PDE4B: variants seen among roughly 807,000 people sequenced by gnomAD.
PDE4B encodes 3',5'-cyclic-AMP phosphodiesterase 4B.
PDE4B carries 20 observed loss-of-function variants against 82.2 expected under a neutral mutation model. That is an observed-to-expected ratio of 0.24 (90% confidence interval 0.17 to 0.35). The LOEUF is 0.35. PDE4B is among the 10% of genes least tolerant of loss of function. The pLI, the probability that PDE4B is intolerant of heterozygous loss-of-function variation, is 1.00. For synonymous variants in PDE4B, 320 were observed against 318.9 expected (o/e 1.00, Z -0.04); for missense variants, 655 against 907.2 (o/e 0.72, Z 3.57).
chr1:66,294,234 T>C (rs1238497581), intron 7 of PDE4B, among the ~76,000 whole-genome samples: 1 of 152,054 alleles, frequency 6.6e-6, no homozygotes, highest in African/African-American at 2.4e-5. Context: ...AAATCTGTGA[T>C]TTTATTTGGG....
intron 16 of PDE4B, among the ~76,000 whole-genome samples, chr1:66,371,406 C>T (rs575063966): frequency 6.6e-6 from 1 of 151,886 alleles, no homozygotes; most frequent in African/African-American, 2.4e-5. Context: ...TTGTCCCCAC[C>T]CCCAGTGTTT....
chr1:66,355,702 T>C, intron 9 of PDE4B, 82 bp downstream of exon 9: 1 of 740,244 alleles, frequency 1.4e-6, no homozygotes, highest in Non-Finnish European at 2.3e-6. Context: ...GACATCCTCA[T>C]GTGAATTTGG....
At chr1:66,013,164 C>G (rs944621270) in intron 3 of PDE4B, among the ~76,000 whole-genome samples, 1 of 152,052 alleles carries the variant, frequency 6.6e-6, no homozygotes, top group Non-Finnish European at 1.5e-5. Context: ...GTGTAACTCT[C>G]CCCAACACCA....
intron 1 of PDE4B, among the ~76,000 whole-genome samples, chr1:65,847,543 C>T (rs917402736): frequency 1.3e-5 from 2 of 152,148 alleles, no homozygotes; most frequent in South Asian, 4.1e-4. Flanking sequence ...GCTGAAAGTC[C>T]CTGAATCCCT....
chr1:66,277,014 CATT>C (rs1655925999), intron 7 of PDE4B, among the ~76,000 whole-genome samples: 4 of 152,290 alleles, frequency 2.6e-5, no homozygotes, highest in Middle Eastern at 6.8e-3. Flanking sequence ...TCATTATCAT[CATT>C]ATCATTAGTC....
intron 4 of PDE4B, among the ~76,000 whole-genome samples, chr1:66,251,668 C>T (rs916085344): frequency 6.6e-6 from 1 of 152,138 alleles, no homozygotes; most frequent in Non-Finnish European, 1.5e-5. Context: ...GAGGAGGTTA[C>T]AGCTCAGCTA....
chr1:65,826,296 A>G (rs983410995), intron 1 of PDE4B, among the ~76,000 whole-genome samples: 1 of 152,210 alleles, frequency 6.6e-6, no homozygotes, highest in Non-Finnish European at 1.5e-5. Flanking sequence ...TTTAATAAAT[A>G]TGGGACTTTT....
intron 7 of PDE4B, among the ~76,000 whole-genome samples, chr1:66,273,690 A>G (rs926344167): frequency 3.9e-5 from 6 of 152,226 alleles, no homozygotes; most frequent in East Asian, 1.9e-4. Flanking sequence ...CTCTTTTTCT[A>G]TATCCTCAAT....
intron 1 of PDE4B, among the ~76,000 whole-genome samples, chr1:65,804,090 T>A (rs965719753): frequency 6.6e-6 from 1 of 152,220 alleles, no homozygotes; most frequent in African/African-American, 2.4e-5. Context: ...CTCTTTAGGC[T>A]TTTTAGGCAT....
At chr1:65,861,441 G>A (rs777603358) in intron 1 of PDE4B, among the ~76,000 whole-genome samples, 1 of 152,114 alleles carries the variant, frequency 6.6e-6, no homozygotes, top group Non-Finnish European at 1.5e-5. Context: ...TGCTGTTTTG[G>A]TTACTGTAGC....
chr1:65,807,215 G>A (rs1313670068), intron 1 of PDE4B, among the ~76,000 whole-genome samples: 3 of 152,140 alleles, frequency 2.0e-5, no homozygotes, highest in Non-Finnish European at 4.4e-5. Flanking sequence ...ATCATGTCTA[G>A]AAGCAGTGGG....
chr1:65,869,544 T>C (rs1177801560), intron 1 of PDE4B, among the ~76,000 whole-genome samples: 1 of 152,200 alleles, frequency 6.6e-6, no homozygotes, highest in Non-Finnish European at 1.5e-5. Flanking sequence ...TGTGAACTAC[T>C]GATAGTAATT....
intron 3 of PDE4B, among the ~76,000 whole-genome samples, chr1:66,233,543 C>A (rs1570523987): frequency 1.3e-5 from 2 of 152,134 alleles, no homozygotes; most frequent in East Asian, 3.8e-4. Flanking sequence ...CTGGGTAAAA[C>A]CTCCAGTAAA....
intron 3 of PDE4B, among the ~76,000 whole-genome samples, chr1:66,222,631 T>C (rs1050345188): frequency 3.3e-5 from 5 of 152,254 alleles, no homozygotes; most frequent in African/African-American, 1.2e-4. Context: ...TGACTAGCTG[T>C]ATCATCTTGA....
chr1:65,859,368 C>G (rs1646428636), intron 1 of PDE4B, among the ~76,000 whole-genome samples: 1 of 152,010 alleles, frequency 6.6e-6, no homozygotes, highest in Non-Finnish European at 1.5e-5. Context: ...ATTGAACAAG[C>G]ATAAGACTCT....
chr1:65,837,701 C>G (rs17128037), intron 1 of PDE4B, among the ~76,000 whole-genome samples: 4,017 of 152,262 alleles, frequency 0.026, 187 homozygotes, highest in African/African-American at 0.092. Context: ...AACAACCTTA[C>G]TGGCATGGAT....
At chr1:66,012,341 T>C (rs541296658) in intron 3 of PDE4B, among the ~76,000 whole-genome samples, 1 of 152,316 alleles carries the variant, frequency 6.6e-6, no homozygotes, top group Non-Finnish European at 1.5e-5. Context: ...TTCACATTTG[T>C]AATGCAGCTC....
chr1:65,870,004 T>G (rs1012300819), intron 1 of PDE4B, among the ~76,000 whole-genome samples: 4 of 152,194 alleles, frequency 2.6e-5, no homozygotes, highest in South Asian at 2.1e-4. Context: ...GGAAAGGGTT[T>G]GAGAACTAAG....
In PDE4B at chr1:66,371,826, A is replaced by T. The variant is rs1223184194; in HGVS notation, c.1846-487A>T. Among the ~76,000 whole-genome samples the T allele has an allele frequency of 2.0e-5, 3 of 152,224 alleles. No individual in the cohort carries two copies. The East Asian group carries it at 5.8e-4, about 29-fold the overall frequency. ...AAAATATTGAGTCAAAACACGTTAG[A>T]CCTGGGCCTGCCTTCTTCAGAAAAT... is the stretch of plus-strand genomic sequence containing the variant. On this transcript the variant is annotated intron_variant, in intron 16 of 16. Coordinates refer to ENST00000341517, the MANE Select transcript of PDE4B (RefSeq NM_002600.4).
Sources: gnomAD v4.1 joint callset for allele counts (sites outside exome capture counted in the v4.1 genomes callset) on GRCh38, gnomAD v4.1.1 for gene constraint, MANE v1.5 for transcripts, NCBI Gene and HGNC (gene_info 2026-07-23, HGNC 2026-07-21) for gene names.